The following NFIA variants were observed in gnomAD, a reference collection of about 807,000 sequenced individuals.
NFIA encodes nuclear factor 1 A-type.
A neutral mutation model predicts 62.8 loss-of-function variants in NFIA; 8 were observed. The ratio of observed to expected loss-of-function variants is 0.13; its 90% CI spans 0.07 to 0.23. The LOEUF is 0.23. NFIA is among the 10% of genes least tolerant of loss of function. NFIA has a pLI of 1.00. For missense variants in NFIA, 410 were observed against 642.1 expected, an observed-to-expected ratio of 0.64 and a Z score of 3.91; for synonymous variants, 235 against 238.1, an observed-to-expected ratio of 0.99 and a Z score of 0.12.
At chr1:61,367,455 C>T (rs1663650788) in intron 6 of NFIA, among the ~76,000 whole-genome samples, 1 of 152,172 alleles carries the variant, frequency 6.6e-6, no homozygotes, top group Non-Finnish European at 1.5e-5. Context: ...TTTTCTTCTG[C>T]ATTTATGGAG....
At chr1:61,229,828 C>T (rs1269687316) in intron 2 of NFIA, among the ~76,000 whole-genome samples, 1 of 152,026 alleles carries the variant, frequency 6.6e-6, no homozygotes, top group African/African-American at 2.4e-5. Context: ...TTTTTTAAAA[C>T]CAGTAACAAA....
intron 2 of NFIA, among the ~76,000 whole-genome samples, chr1:61,220,916 A>C (rs1327233244): frequency 6.6e-6 from 1 of 152,208 alleles, no homozygotes; most frequent in Non-Finnish European, 1.5e-5. Flanking sequence ...ATAAATCCAC[A>C]TGTTAAATAT....
At chr1:61,168,828 T>C (rs939841014) in intron 2 of NFIA, among the ~76,000 whole-genome samples, 1 of 152,218 alleles carries the variant, frequency 6.6e-6, no homozygotes, top group African/African-American at 2.4e-5. Context: ...TATGAATGGC[T>C]GTTAAATATT....
At chr1:61,262,107 G>A (rs569970029) in intron 2 of NFIA, among the ~76,000 whole-genome samples, 2 of 152,240 alleles carry the variant, frequency 1.3e-5, no homozygotes, top group Admixed American at 1.3e-4. Flanking sequence ...TTTTAATGTT[G>A]TTCTATACTC....
chr1:61,248,806 T>C (rs1655820739), intron 2 of NFIA: 1 of 152,202 alleles, frequency 6.6e-6, no homozygotes, highest in Non-Finnish European at 1.5e-5. Context: ...CCAGCCCCAA[T>C]TCCACATAAC....
intron 5 of NFIA, among the ~76,000 whole-genome samples, chr1:61,353,211 T>G (rs1662647571): frequency 6.6e-6 from 1 of 152,038 alleles, no homozygotes; most frequent in African/African-American, 2.4e-5. Context: ...TGTGAGGTTA[T>G]ACAAATGGAA....
chr1:61,258,739 A>AT (rs938296041), intron 2 of NFIA, among the ~76,000 whole-genome samples: 30 of 150,284 alleles, frequency 2.0e-4, no homozygotes, highest in South Asian at 8.4e-4. Context: ...TTTTTTTTTT[A>AT]TTTTTTTGAA....
chr1:61,363,636 A>G (rs1369912865), intron 6 of NFIA, among the ~76,000 whole-genome samples: 1 of 151,974 alleles, frequency 6.6e-6, no homozygotes, highest in Non-Finnish European at 1.5e-5. Context: ...GAAACAATAA[A>G]TAACTCATGA....
intron 2 of NFIA, among the ~76,000 whole-genome samples, chr1:61,176,828 G>A (rs1243238032): frequency 6.6e-6 from 1 of 152,004 alleles, no homozygotes; most frequent in Non-Finnish European, 1.5e-5. Flanking sequence ...ACTTGGGCTG[G>A]GCGCGGTGGC....
chr1:61,260,674 G>A (rs911527907), intron 2 of NFIA, among the ~76,000 whole-genome samples: 49 of 152,126 alleles, frequency 3.2e-4, no homozygotes, highest in Non-Finnish European at 5.9e-4. Context: ...TCCGCCTCCC[G>A]GGTTCATGCC....
intron 2 of NFIA, among the ~76,000 whole-genome samples, chr1:61,247,104 T>C (rs1325282458): frequency 2.0e-5 from 3 of 152,216 alleles, no homozygotes; most frequent in African/African-American, 4.8e-5. Flanking sequence ...CCATCTGCCA[T>C]GTACTTGGCT....
chr1:61,127,461 TA>T (rs879760637), intron 2 of NFIA, among the ~76,000 whole-genome samples: 1,813 of 141,400 alleles, frequency 0.013, 22 homozygotes, highest in African/African-American at 0.026. Flanking sequence ...GATTCCATAT[TA>T]AAAAAAAAAA....
intron 9 of NFIA, among the ~76,000 whole-genome samples, chr1:61,409,450 G>A (rs1239964680): frequency 2.0e-5 from 3 of 152,110 alleles, no homozygotes; most frequent in Non-Finnish European, 4.4e-5. Flanking sequence ...TTATAGCGTA[G>A]GAGAAGCCTT....
Position 61,405,708 on chromosome 1 carries a change from C to T in NFIA, c.1255-854C>T, listed in dbSNP as rs1366209761. ...TATAACTGTCAAATGCCCAGTTTTG[C>T]ATTTTGATCAGAATTTTATAGGACT... is the stretch of plus-strand genomic sequence containing the variant. On this transcript the variant is annotated intron_variant, in intron 8 of 10. Transcript: ENST00000403491. 2.0e-5 allele frequency among the ~76,000 whole-genome samples: 3 copies of T among 152,116 alleles called. No individual in the cohort carries two copies. The East Asian group carries it at 5.8e-4, about 29-fold the overall frequency.
At chr1:61,442,851 C>T (rs1667648314) in intron 10 of NFIA, among the ~76,000 whole-genome samples, 1 of 152,172 alleles carries the variant, frequency 6.6e-6, no homozygotes, top group African/African-American at 2.4e-5. Context: ...GCCCAAATTC[C>T]ACCCAATCAC....
chr1:61,401,020 A>G (rs1489688678), intron 7 of NFIA, among the ~76,000 whole-genome samples: 2 of 108,504 alleles, frequency 1.8e-5, no homozygotes, highest in African/African-American at 6.7e-5. Flanking sequence ...AATAGCATCT[A>G]TTTAATAATA....
At chr1:61,100,582 T>C (rs1557564741) in intron 2 of NFIA, among the ~76,000 whole-genome samples, 3 of 152,216 alleles carry the variant, frequency 2.0e-5, no homozygotes, top group Non-Finnish European at 4.4e-5. Flanking sequence ...AAAACACTTA[T>C]AAAAAATTTA....
At position 61,455,461 on chromosome 1, in the gene NFIA, C is replaced by T. The variant is rs536626646; in HGVS notation, c.*141C>T. 6.4e-5 allele frequency: 87 copies of T among 1,363,990 alleles called. No individual in the cohort carries two copies. Among genetic ancestry groups the T allele is most frequent in the Admixed American group, 4.6e-4 (24 of 51,836 alleles). The allele number at this position is 1,363,990 out of a possible 1,614,324, so 84.5% of individuals were successfully genotyped here. Reference sequence around the variant, plus strand: ...AAAAACCGATTCAAATCAACTTGTACATGGAAACAGCAAGCATTATGGTCA... The same window carrying T: ...AAAAACCGATTCAAATCAACTTGTATATGGAAACAGCAAGCATTATGGTCA... On this transcript the variant is annotated 3_prime_UTR_variant, in exon 11 of 11. Transcript: ENST00000403491.
At chr1:61,324,256 C>A (rs539004624) in intron 3 of NFIA, among the ~76,000 whole-genome samples, 13 of 152,238 alleles carry the variant, frequency 8.5e-5, no homozygotes, top group Non-Finnish European at 1.9e-4. Flanking sequence ...AGTCCAAAAT[C>A]CTTCTGGAAT....
Sources: gnomAD v4.1 joint callset for allele counts (sites outside exome capture counted in the v4.1 genomes callset) on GRCh38, gnomAD v4.1.1 for gene constraint, MANE v1.5 for transcripts, NCBI Gene and HGNC (gene_info 2026-07-23, HGNC 2026-07-21) for gene names.